Variants in GPX6 observed in about 807,000 individuals in gnomAD.
GPX6 encodes the protein glutathione peroxidase 6.
A neutral mutation model predicts 20.0 loss-of-function variants in GPX6; 21 were observed. The observed-to-expected ratio is 1.05, with a 90% CI of 0.74 to 1.51. The LOEUF (loss-of-function observed/expected upper bound fraction) is 1.51, where lower values mean the gene tolerates loss of function less well. GPX6 is among the 40% of genes most tolerant of loss of function. The probability of loss-of-function intolerance (pLI) is 0.00; values close to 1 mark genes in which losing one functional copy is unlikely to be tolerated. For synonymous variants in GPX6, 75 were observed against 98.0 expected (o/e 0.77, Z 1.38); for missense variants, 233 against 254.7 (o/e 0.91, Z 0.58).
chr6:28,505,316 A>G (rs1273236922), intron 4 of GPX6, among the ~76,000 whole-genome samples: 1 of 152,168 alleles, frequency 6.6e-6, no homozygotes, highest in East Asian at 1.9e-4. Context: ...CTGTATTTTT[A>G]CCACTCTGTG....
At chr6:28,514,022 A>T (rs930213679) in intron 1 of GPX6, among the ~76,000 whole-genome samples, 1 of 152,228 alleles carries the variant, frequency 6.6e-6, no homozygotes. Context: ...TTAGCCTAAG[A>T]AACCCACTAT....
chr6:28,515,643 T>A lies in GPX6; in HGVS notation c.87+14A>T. 6.2e-7 allele frequency: 1 copy of A among 1,607,868 alleles called. No individual in the cohort carries two copies. The highest frequency in any genetic ancestry group is 8.5e-7 in the Non-Finnish European group (1 of 1,174,400). ...CGTGCTGGAATCAGCTCGGATCCCC[T>A]GCCCCATGCTCACCTTCCTATTTTG... On this transcript the variant is annotated intron_variant, in intron 1 of 4. Transcript: ENST00000361902.
At chr6:28,513,354 C>T (rs1762948077) in intron 1 of GPX6, among the ~76,000 whole-genome samples, 1 of 152,308 alleles carries the variant, frequency 6.6e-6, no homozygotes, top group African/African-American at 2.4e-5. Flanking sequence ...CAGTTGTAAA[C>T]ATTCACTCCT....
At chr6:28,513,629 C>A (rs34247326) in intron 1 of GPX6, among the ~76,000 whole-genome samples, 5 of 152,196 alleles carry the variant, frequency 3.3e-5, no homozygotes, top group Non-Finnish European at 7.3e-5. Context: ...AAAAACTTTT[C>A]TACCCACAAG....
At position 28,505,702 on chromosome 6, in the gene GPX6, C is replaced by T. The variant is rs768610648; in HGVS notation, c.459+1G>A. 2 of 1,611,974 alleles carry T rather than the reference C, an allele frequency of 1.2e-6. No individual in the cohort carries two copies. Among genetic ancestry groups the T allele is most frequent in the Non-Finnish European group, 1.7e-6 (2 of 1,178,080 alleles). ...TCCATGCCAGGTTTATACTCATGCACCTTCAGGAAAGTAAAGACCTTCTGT... is the reference window on the plus strand; with the variant it reads ...TCCATGCCAGGTTTATACTCATGCATCTTCAGGAAAGTAAAGACCTTCTGT... On this transcript the variant is annotated splice_donor_variant, in intron 4 of 4. Coordinates refer to ENST00000361902, the MANE Select transcript of GPX6 (RefSeq NM_182701.1). LOFTEE classifies it high-confidence loss of function.
At chr6:28,513,334 A>T (rs956056654) in intron 1 of GPX6, among the ~76,000 whole-genome samples, 1 of 152,150 alleles carries the variant, frequency 6.6e-6, no homozygotes, top group Non-Finnish European at 1.5e-5. Context: ...ACACACGCCC[A>T]CTGGGGCTTC....
intron 2 of GPX6, among the ~76,000 whole-genome samples, chr6:28,509,786 A>C (rs1762842565): frequency 6.6e-6 from 1 of 152,224 alleles, no homozygotes; most frequent in African/African-American, 2.4e-5. Flanking sequence ...CTACCACAGA[A>C]GGTTAGGCCA....
In GPX6 at chr6:28,506,415, G is replaced by T; in HGVS notation, c.256C>A (p.Gln86Lys). The T allele has an allele frequency of 6.2e-7, 1 of 1,609,766 alleles. No individual in the cohort carries two copies. The highest frequency in any genetic ancestry group is 1.3e-5 in the African/African-American group (1 of 74,940). Residue 86 changes from glutamine to lysine, a missense_variant, in exon 3 of 5, where the codon CAG (glutamine) becomes AAG (lysine). Transcript: ENST00000361902. ...ACACCAAAATTCTTCAGCTCCTCCT[G>T]TAGTGCATTCAGTTCTGTAAGTGGA... ...AAQYPELNAL[Q>K]EELKNFGVIV... is the part of the protein sequence containing the mutation.
chr6:28,504,745 C>T (rs1387453126), intron 4 of GPX6, among the ~76,000 whole-genome samples: 1 of 152,068 alleles, frequency 6.6e-6, no homozygotes, highest in East Asian at 1.9e-4. Context: ...CTTTCCCTGT[C>T]TTTCCTCTAT....
intron 1 of GPX6, among the ~76,000 whole-genome samples, chr6:28,513,641 A>C (rs385908): frequency 0.029 from 4,489 of 152,348 alleles, 146 homozygotes; most frequent in African/African-American, 0.08. Flanking sequence ...ACCCACAAGC[A>C]TGCCAAGAAT....
intron 1 of GPX6, among the ~76,000 whole-genome samples, chr6:28,512,733 G>A (rs1396931979): frequency 6.6e-6 from 1 of 152,180 alleles, no homozygotes; most frequent in Non-Finnish European, 1.5e-5. Context: ...GCCTTTACAA[G>A]CTGTAACACT....
At position 28,504,099 on chromosome 6, in the gene GPX6, T is replaced by TACACACACAC. The variant is rs55919532; in HGVS notation, c.*183_*192dup. 61,265 of 562,676 alleles carry TACACACACAC rather than the reference T, an allele frequency of 0.11. 1,315 individuals carry two copies. Among genetic ancestry groups the TACACACACAC allele is most frequent in the East Asian group, 0.27 (9,063 of 33,436 alleles). The allele number at this position is 562,676 out of a possible 1,614,324, so 34.9% of individuals were successfully genotyped here. A position where few individuals can be genotyped will look rare whatever the true frequency, so the allele number is the denominator to read the frequency against. On this transcript the variant is annotated 3_prime_UTR_variant, in exon 5 of 5. Coordinates refer to ENST00000361902, the MANE Select transcript of GPX6 (RefSeq NM_182701.1). The stretch of plus-strand genomic sequence containing the variant: ...CAACAAATACAATTCTACATATCCA[T>TACACACACAC]ACACACACACACACACACACACACA...
At position 28,504,281 on chromosome 6, in the gene GPX6, G is replaced by A. The variant is rs146341781; in HGVS notation, c.*11C>T. On this transcript the variant is annotated 3_prime_UTR_variant, in exon 5 of 5. Transcript: ENST00000361902. Reference sequence around the variant, plus strand: ...GACAGGGTAGTTATTTCTGTCAGTCGCTAGCCCTTCCTAGTGGGTATTGAA... The same window carrying A: ...GACAGGGTAGTTATTTCTGTCAGTCACTAGCCCTTCCTAGTGGGTATTGAA... 4.3e-3 allele frequency: 6,971 copies of A among 1,611,084 alleles called. 22 individuals carry two copies. Among genetic ancestry groups the A allele is most frequent in the African/African-American group, 0.011 (813 of 74,946 alleles).
chr6:28,514,148 A>C (rs1762981971), intron 1 of GPX6, among the ~76,000 whole-genome samples: 2 of 152,198 alleles, frequency 1.3e-5, no homozygotes. Context: ...GTCACACGGA[A>C]ATCACCATGT....
chr6:28,512,441 T>C (rs1252573636), intron 1 of GPX6, among the ~76,000 whole-genome samples: 3 of 150,904 alleles, frequency 2.0e-5, no homozygotes, highest in South Asian at 2.1e-4. Context: ...AGAACCTTTG[T>C]GTGGACACTC....
At chr6:28,513,695 G>A (rs1394694720) in intron 1 of GPX6, among the ~76,000 whole-genome samples, 10 of 129,460 alleles carry the variant, frequency 7.7e-5, no homozygotes. Flanking sequence ...CATGTTATGT[G>A]GTAAGAGAGG....
In GPX6 at chr6:28,504,061, C is replaced by T. The variant is rs150614247; in HGVS notation, c.*231G>A. ...CACACACACACACACCATACATACA[C>T]CTATGCATATACCAACAAATACAAT... On this transcript the variant is annotated 3_prime_UTR_variant, in exon 5 of 5. Transcript: ENST00000361902. The T allele has an allele frequency of 8.5e-5, 47 of 555,898 alleles. No homozygotes were observed. Among genetic ancestry groups the T allele is most frequent in the African/African-American group, 7.3e-4 (38 of 51,894 alleles). 34.4% of individuals were successfully genotyped at this position (555,898 alleles called of 1,614,324 possible). A position where few individuals can be genotyped will look rare whatever the true frequency, so the allele number is the denominator to read the frequency against.
intron 2 of GPX6, 150 bp from the exon 3 acceptor site, chr6:28,506,579 A>AG: frequency 4.3e-6 from 1 of 230,288 alleles, no homozygotes; most frequent in African/African-American, 2.8e-5. Flanking sequence ...AGGAGTAGAG[A>AG]AAAAAAAAAA....
At chr6:28,513,133 A>G (rs757976875) in intron 1 of GPX6, among the ~76,000 whole-genome samples, 2 of 152,210 alleles carry the variant, frequency 1.3e-5, no homozygotes, top group Non-Finnish European at 2.9e-5. Context: ...TGGCTCCCCC[A>G]TCTGATGAGA....
Sources: allele counts gnomAD v4.1 joint callset (sites outside exome capture counted in the v4.1 genomes callset), GRCh38; gene constraint gnomAD v4.1.1; transcripts MANE v1.5; gene names NCBI Gene and HGNC (gene_info 2026-07-23, HGNC 2026-07-21).